HSPG2: variants seen among roughly 807,000 people sequenced by gnomAD.
HSPG2 encodes basement membrane-specific heparan sulfate proteoglycan core protein.
A neutral mutation model predicts 526.6 loss-of-function variants in HSPG2; 278 were observed. The observed-to-expected ratio is 0.53, with a 90% CI of 0.48 to 0.58. The LOEUF (loss-of-function observed/expected upper bound fraction) is 0.58. Among genes scored for constraint, HSPG2 ranks in the 20% least tolerant of loss-of-function variants. HSPG2 has a pLI of 0.00. For missense variants in HSPG2, 5,354 were observed against 6,099.5 expected, an observed-to-expected ratio of 0.88 and a Z score of 4.07; for synonymous variants, 2,465 against 2,555.4, an observed-to-expected ratio of 0.96 and a Z score of 1.07.
At chr1:21,873,607 C>T (rs747582693) in intron 29 of HSPG2, among the ~76,000 whole-genome samples, 183 bp from the exon 30 acceptor site, 1 of 152,150 alleles carries the variant, frequency 6.6e-6, no homozygotes, top group Non-Finnish European at 1.5e-5. Flanking sequence ...ACCGCACAGC[C>T]AGTGAATTGG....
At chr1:21,885,489 C>T (rs774893687) in intron 9 of HSPG2, 38 bp from the exon 10 acceptor site, 29 of 1,612,124 alleles carry the variant, frequency 1.8e-5, no homozygotes, top group East Asian at 1.1e-4. Context: ...TAGCCCACCC[C>T]GTCCATCCTC....
intron 95 of HSPG2, 84 bp from the exon 96 acceptor site, chr1:21,823,803 C>A: frequency 9.6e-7 from 1 of 1,039,640 alleles, no homozygotes; most frequent in Non-Finnish European, 1.5e-6. Flanking sequence ...CCTCTGATAT[C>A]GAGACTCCAG....
chr1:21,879,757 A>G (rs1315817520), intron 17 of HSPG2, among the ~76,000 whole-genome samples: 7 of 151,862 alleles, frequency 4.6e-5, no homozygotes, highest in Non-Finnish European at 1.0e-4. Context: ...GGTTCAAGCG[A>G]TTTTCCTGCC....
intron 96 of HSPG2, 60 bp downstream of exon 96, chr1:21,823,556 G>A (rs1557661994): frequency 1.2e-6 from 2 of 1,608,568 alleles, no homozygotes; most frequent in South Asian, 2.2e-5. Flanking sequence ...GGCTGGGCGA[G>A]CTCTAGCCCT....
chr1:21,843,825 T>C (rs2098059753), intron 65 of HSPG2, among the ~76,000 whole-genome samples: 1 of 152,136 alleles, frequency 6.6e-6, no homozygotes, highest in African/African-American at 2.4e-5. Flanking sequence ...TTTTGTGTTT[T>C]TCGTTTCGCC....
Position 21,865,541 on chromosome 1 carries a change from G to T in HSPG2, c.4314+176C>A, listed in dbSNP as rs1445063094. ...CACTGCCCCCTTCTCCCAGCAGCAG[G>T]ATCCTCTGCTTGGGTAGTGTCCAAC... On this transcript the variant is annotated intron_variant, in intron 34 of 96. Transcript: ENST00000374695. The surrounding 1 kb of genome is among the most constrained non-coding windows in gnomAD (Gnocchi z 5.4). 6.6e-6 allele frequency among the ~76,000 whole-genome samples: 1 copy of T among 152,222 alleles called. No homozygotes were observed. The highest frequency in any genetic ancestry group is 1.9e-4 in the East Asian group (1 of 5,190).
In HSPG2 at chr1:21,839,037, C is replaced by G. The variant is rs774187745; in HGVS notation, c.9938G>C (p.Gly3313Ala). ...TVPEHASVQA[G>A]ETVQLQCLAH... Reference sequence around the variant, plus strand: ...CAGGCACTGGAGCTGCACCGTCTCCCCTGCCTGCACCGAAGCGTGCTCTGG... The same window carrying G: ...CAGGCACTGGAGCTGCACCGTCTCCGCTGCCTGCACCGAAGCGTGCTCTGG... Residue 3313 changes from glycine to alanine, a missense_variant, in exon 74 of 97, where the codon GGG becomes GCG. Coordinates refer to ENST00000374695, the MANE Select transcript of HSPG2 (RefSeq NM_005529.7). This position sits in a 1 kb window ranked among gnomAD's most constrained non-coding sequence, Gnocchi z 4.5. 13 of 1,599,456 alleles carry G rather than the reference C, an allele frequency of 8.1e-6. No homozygotes were observed. The African/African-American group carries it at 1.6e-4, about 20-fold the overall frequency.
Position 21,875,915 on chromosome 1 carries a change from G to A in HSPG2, c.3131C>T (p.Ala1044Val), listed in dbSNP as rs886046040. Residue 1044 changes from alanine (A) to valine (V), a missense_variant, in exon 24 of 97, where the codon GCC becomes GTC. Ala to Val is a moderately conservative substitution (Grantham distance 64). Transcript: ENST00000374695. ...GNNIILEHHV[A>V]QEPSPGQPST... ...GGGCTGGCCGGGGCTGGGCTCCTGG[G>A]CCACATGGTGCTCTAGGATGATGTT... 6 of 1,614,166 alleles carry A rather than the reference G, an allele frequency of 3.7e-6. No homozygotes were observed. In the East Asian group the frequency reaches 1.3e-4, roughly 36 times the overall value.
At chr1:21,829,214 C>A in intron 87 of HSPG2, 135 bp from the exon 88 acceptor site, 1 of 1,410,688 alleles carries the variant, frequency 7.1e-7, no homozygotes. Context: ...GCCCATGGCT[C>A]AGAGAGGGCT....
intron 91 of HSPG2, among the ~76,000 whole-genome samples, chr1:21,826,821 T>C (rs1483135397): frequency 6.6e-6 from 1 of 152,156 alleles, no homozygotes; most frequent in African/African-American, 2.4e-5. Flanking sequence ...CTGAACATAA[T>C]ATTAACAACA....
chr1:21,872,696 T>C lies in HSPG2; in HGVS notation c.3953A>G (p.Asn1318Ser), dbSNP rs947923614. 1 of 1,608,618 alleles carries C rather than the reference T, an allele frequency of 6.2e-7. No individual in the cohort carries two copies. Among genetic ancestry groups the C allele is most frequent in the African/African-American group, 1.3e-5 (1 of 75,008 alleles). ...GAAGCAGGGCAGGCAGCCGTCTGGG[T>C]TGCTGGCACTCAGGTGGAAGTGGTG... ...RPHHFHLSASNPDGCLPCFCM... is the reference protein window; with the variant it reads ...RPHHFHLSASSPDGCLPCFCM... Residue 1318 changes from asparagine (N) to serine (S), a missense_variant, in exon 32 of 97, where the codon AAC becomes AGC. Asn to Ser is a conservative substitution (Grantham distance 46). Coordinates refer to ENST00000374695, the MANE Select transcript of HSPG2 (RefSeq NM_005529.7). The surrounding 1 kb of genome is among the most constrained non-coding windows in gnomAD (Gnocchi z 5.5).
At position 21,876,450 on chromosome 1, in the gene HSPG2, C is replaced by T. The variant is rs1470442077; in HGVS notation, c.2827-45G>A. 3 of 1,612,086 alleles carry T rather than the reference C, an allele frequency of 1.9e-6. No individual in the cohort carries two copies. In the Admixed American group the frequency reaches 5.0e-5, roughly 27 times the overall value. ...CTGGGATGGGGGCCGTGGCCTGGGACTGGCGCTTGGTCCATCCGGCCCAGG... is the reference window on the plus strand; with the variant it reads ...CTGGGATGGGGGCCGTGGCCTGGGATTGGCGCTTGGTCCATCCGGCCCAGG... On this transcript the variant is annotated intron_variant, in intron 22 of 96. Transcript: ENST00000374695.
chr1:21,895,767 T>C lies in HSPG2; in HGVS notation c.244+155A>G, dbSNP rs2152772801. Among the ~76,000 whole-genome samples, 1 of 152,324 alleles carries C rather than the reference T, an allele frequency of 6.6e-6. No individual in the cohort carries two copies. Among genetic ancestry groups the C allele is most frequent in the East Asian group, 1.9e-4 (1 of 5,176 alleles). On this transcript the variant is annotated intron_variant, in intron 3 of 96. Transcript: ENST00000374695. The surrounding 1 kb of genome is among the most constrained non-coding windows in gnomAD (Gnocchi z 4.1). ...CCTTGCAGGGACCTGCCAATCAGTC[T>C]GCACAACTGTCACTCAGCAGGTTAA...
rs766073203 is a variant in HSPG2 at position 21,854,999 on chromosome 1, T to A, written c.5998-16A>T. 13 of 1,610,590 alleles carry A rather than the reference T, an allele frequency of 8.1e-6. No individual in the cohort carries two copies. The highest frequency in any genetic ancestry group is 1.1e-5 in the Non-Finnish European group (13 of 1,179,940). ...CTGACCGGGCCTGCCGTGGGTGAGA[T>A]GGGTCAGCTGCCCCAGAGGCAGCTG... is the stretch of plus-strand genomic sequence containing the variant. On this transcript the variant is annotated splice_polypyrimidine_tract_variant and intron_variant, in intron 47 of 96. Coordinates refer to ENST00000374695, the MANE Select transcript of HSPG2 (RefSeq NM_005529.7).
In HSPG2 at chr1:21,828,064, G is replaced by A; in HGVS notation, c.12498C>T (p.Cys4166=). ...AGCGTGGGCCAGAGAAGCCAGGGAG[G>A]CAGAGGCAGCGGGTGCCCTGGCAGG... ...GGTCQGTRCL[C]LPGFSGPRCQ... The change falls in exon 90 of 97, where the codon TGC becomes TGT. Residue 4166 remains cysteine, a synonymous_variant. Transcript: ENST00000374695. The surrounding 1 kb of genome is among the most constrained non-coding windows in gnomAD (Gnocchi z 6.0). 2 of 1,613,550 alleles carry A rather than the reference G, an allele frequency of 1.2e-6. No homozygotes were observed. The highest frequency in any genetic ancestry group is 2.2e-5 in the South Asian group (2 of 91,086).
In HSPG2 at chr1:21,847,936, C is replaced by T. The variant is rs533698771; in HGVS notation, c.7873+22G>A. On this transcript the variant is annotated intron_variant, in intron 60 of 96. Transcript: ENST00000374695. This position sits in a 1 kb window ranked among gnomAD's most constrained non-coding sequence, Gnocchi z 4.1. ...CACCCTCTGCGCCACTTGTCTGTAC[C>T]CCCTGCCCTCTCTGCTCTCACCGTG... 2.0e-5 allele frequency: 32 copies of T among 1,613,842 alleles called. No homozygotes were observed. Among genetic ancestry groups the T allele is most frequent in the South Asian group, 2.2e-5 (2 of 91,088 alleles).
chr1:21,876,681 C>A (rs75427926), intron 21 of HSPG2, 29 bp from the exon 22 acceptor site: 1 of 1,614,000 alleles, frequency 6.2e-7, no homozygotes, highest in Admixed American at 1.7e-5. Context: ...AGCTGAAGGA[C>A]AGCCCATGGG....
intron 85 of HSPG2, chr1:21,830,715 T>TG: frequency 4.1e-6 from 1 of 242,360 alleles, no homozygotes; most frequent in East Asian, 6.8e-5. Context: ...AAAAAAAAGA[T>TG]GGGCTGGGGG....
intron 1 of HSPG2, among the ~76,000 whole-genome samples, chr1:21,911,670 G>T (rs539817531): frequency 6.6e-6 from 1 of 152,204 alleles, no homozygotes; most frequent in Non-Finnish European, 1.5e-5. Flanking sequence ...GGGCCCCCGT[G>T]GGGAGGTGCA....
Sources: allele counts gnomAD v4.1 joint callset (sites outside exome capture counted in the v4.1 genomes callset), GRCh38; gene constraint gnomAD v4.1.1; non-coding constraint Gnocchi (gnomAD v3.1); transcripts MANE v1.5; gene names NCBI Gene and HGNC (gene_info 2026-07-23, HGNC 2026-07-21).